ZNF385D: variants seen among roughly 807,000 people sequenced by gnomAD.
ZNF385D encodes zinc finger protein 385D, also known as zinc finger protein 659.
ZNF385D carries 15 observed loss-of-function variants against 35.8 expected under a neutral mutation model. The observed-to-expected ratio is 0.42, with a 90% CI of 0.28 to 0.64. The LOEUF (loss-of-function observed/expected upper bound fraction) is 0.64, where lower values mean the gene tolerates loss of function less well. ZNF385D is among the 30% of genes least tolerant of loss of function. ZNF385D has a pLI of 0.23. For synonymous variants in ZNF385D, 212 were observed against 186.8 expected, an observed-to-expected ratio of 1.13 and a Z score of -1.10; for missense variants, 474 against 494.6, an observed-to-expected ratio of 0.96 and a Z score of 0.39.
intron 3 of ZNF385D, among the ~76,000 whole-genome samples, chr3:22,026,537 G>A (rs1697563155): frequency 6.6e-6 from 1 of 152,186 alleles, no homozygotes; most frequent in Admixed American, 6.6e-5. Context: ...GACAATTAAT[G>A]GAGTTTTAGC....
At chr3:21,690,147 A>G (rs947434479) in intron 1 of ZNF385D, among the ~76,000 whole-genome samples, 4 of 152,174 alleles carry the variant, frequency 2.6e-5, no homozygotes, top group South Asian at 2.1e-4. Context: ...GTTCTCACTA[A>G]ATAAATATAA....
At chr3:22,233,247 T>C (rs1179906981) in intron 2 of ZNF385D, among the ~76,000 whole-genome samples, 1 of 152,094 alleles carries the variant, frequency 6.6e-6, no homozygotes, top group African/African-American at 2.4e-5. Context: ...TACTCAGCAC[T>C]AAAAGGGAAC....
intron 3 of ZNF385D, among the ~76,000 whole-genome samples, chr3:21,943,464 A>G (rs2125279935): frequency 6.6e-6 from 1 of 151,990 alleles, no homozygotes; most frequent in East Asian, 1.9e-4. Flanking sequence ...AACATCATGG[A>G]AAAAAATGAT....
At chr3:21,893,523 T>C (rs1023934228) in intron 3 of ZNF385D, among the ~76,000 whole-genome samples, 1 of 152,194 alleles carries the variant, frequency 6.6e-6, no homozygotes, top group African/African-American at 2.4e-5. Context: ...TTAACTAGCC[T>C]TTATGTGAAA....
intron 3 of ZNF385D, among the ~76,000 whole-genome samples, chr3:22,047,683 T>A (rs147995894): frequency 1.3e-5 from 2 of 152,166 alleles, no homozygotes; most frequent in African/African-American, 4.8e-5. Context: ...ATCTTAGCTA[T>A]TGTGAATGTT....
chr3:22,080,830 TAGGC>T (rs1700711215), intron 3 of ZNF385D, among the ~76,000 whole-genome samples: 2 of 152,056 alleles, frequency 1.3e-5, no homozygotes, highest in Non-Finnish European at 2.9e-5. Context: ...GAGAACTAGC[TAGGC>T]CCTTGCTCCA....
chr3:21,471,295 TCACACACACACACACACACACA>T (rs151185506), intron 4 of ZNF385D, among the ~76,000 whole-genome samples: 5 of 86,276 alleles, frequency 5.8e-5, no homozygotes, highest in African/African-American at 8.6e-5. Flanking sequence ...TCTCTCTCTC[TCACACACACACACACACACACA>T]CACACACACA....
intron 3 of ZNF385D, among the ~76,000 whole-genome samples, chr3:21,894,054 G>C (rs773557944): frequency 6.6e-6 from 1 of 152,052 alleles, no homozygotes; most frequent in East Asian, 1.9e-4. Flanking sequence ...TCTGTGTCTC[G>C]AGGCAGTTAG....
chr3:22,327,693 G>A (rs1394498429), intron 2 of ZNF385D, among the ~76,000 whole-genome samples: 2 of 152,162 alleles, frequency 1.3e-5, no homozygotes, highest in Admixed American at 6.5e-5. Context: ...AAGATTGCAT[G>A]CTGCTTGGCA....
intron 3 of ZNF385D, among the ~76,000 whole-genome samples, chr3:21,758,104 T>C (rs902553065): frequency 5.9e-5 from 9 of 152,194 alleles, no homozygotes; most frequent in Admixed American, 3.9e-4. Context: ...CCCAGGCTTA[T>C]GTCAAATTCA....
rs1223143900 is a variant in ZNF385D at position 22,315,942 on chromosome 3, C to G, written c.106+56508G>C. ...AAAAGTAGGCATAGTTCCTATAATC[C>G]CTTACTGCTACAGTCATGTAGCCAG... On this transcript the variant is annotated intron_variant, in intron 2 of 5. Coordinates refer to the ZNF385D transcript ENST00000494108. Among the ~76,000 whole-genome samples the G allele has an allele frequency of 2.0e-5, 3 of 152,044 alleles. No individual in the cohort carries two copies. The East Asian group carries it at 5.8e-4, about 29-fold the overall frequency.
rs554129292 is a variant in ZNF385D at position 21,424,180 on chromosome 3, C to G, written c.853-116G>C. The G allele has an allele frequency of 6.6e-4, 592 of 895,042 alleles. 1 individual carries two copies. The highest frequency in any genetic ancestry group is 8.9e-4 in the Non-Finnish European group (562 of 628,398). The allele number at this position is 895,042 out of a possible 1,614,324, so 55.4% of individuals were successfully genotyped here. Reference sequence around the variant, plus strand: ...TTATTTCATGCAAGTTTCAGAAAGACAAAAATAAAAGATCATGCACTTTTG... The same window carrying G: ...TTATTTCATGCAAGTTTCAGAAAGAGAAAAATAAAAGATCATGCACTTTTG... On this transcript the variant is annotated intron_variant, in intron 6 of 7. Transcript: ENST00000281523.
chr3:21,469,131 C>G (rs896113213), intron 4 of ZNF385D, among the ~76,000 whole-genome samples: 1 of 152,160 alleles, frequency 6.6e-6, no homozygotes, highest in Non-Finnish European at 1.5e-5. Context: ...GATTTGTCTA[C>G]TCATTGAACT....
chr3:21,905,205 C>CAAAAAAAAAAA (rs63147760), intron 3 of ZNF385D, among the ~76,000 whole-genome samples: 3 of 69,730 alleles, frequency 4.3e-5, no homozygotes, highest in African/African-American at 5.7e-5. Flanking sequence ...ACAAAAAATC[C>CAAAAAAAAAAA]AAAAAAAAAA....
At chr3:22,077,241 T>C (rs1412794698) in intron 3 of ZNF385D, among the ~76,000 whole-genome samples, 1 of 152,022 alleles carries the variant, frequency 6.6e-6, no homozygotes, top group Non-Finnish European at 1.5e-5. Flanking sequence ...ATAATTGCAC[T>C]AAGCATAAAT....
chr3:21,615,632 A>G (rs989601495), intron 2 of ZNF385D, among the ~76,000 whole-genome samples: 1 of 152,102 alleles, frequency 6.6e-6, no homozygotes, highest in African/African-American at 2.4e-5. Context: ...TTCAACATCA[A>G]AACACTAGAG....
chr3:21,480,805 T>C (rs1204119590), intron 4 of ZNF385D, among the ~76,000 whole-genome samples: 3 of 152,308 alleles, frequency 2.0e-5, no homozygotes, highest in South Asian at 2.1e-4. Flanking sequence ...GTAATTTAAA[T>C]CTGTCCTATA....
chr3:21,571,807 G>A (rs1003401446), intron 2 of ZNF385D, among the ~76,000 whole-genome samples: 6 of 152,142 alleles, frequency 3.9e-5, no homozygotes, highest in Non-Finnish European at 5.9e-5. Flanking sequence ...TAAAGGACAC[G>A]ATTCAGAAGC....
chr3:22,141,527 T>G (rs1704502094), intron 3 of ZNF385D, among the ~76,000 whole-genome samples: 1 of 152,106 alleles, frequency 6.6e-6, no homozygotes, highest in African/African-American at 2.4e-5. Context: ...AATCCTCAAT[T>G]ATTTGCACCA....
Sources: gnomAD v4.1 joint callset for allele counts (sites outside exome capture counted in the v4.1 genomes callset) on GRCh38, gnomAD v4.1.1 for gene constraint, MANE v1.5 for transcripts, NCBI Gene and HGNC (gene_info 2026-07-23, HGNC 2026-07-21) for gene names.